The following RAD51B variants were observed in gnomAD, a reference collection of about 807,000 sequenced individuals.
RAD51B encodes the protein DNA repair protein RAD51 homolog 2.
In RAD51B, 38 loss-of-function variants were observed where a neutral mutation model predicts 42.2. The ratio of observed to expected loss-of-function variants is 0.90; its 90% CI spans 0.70 to 1.18. The LOEUF is 1.18. Among genes scored for constraint, RAD51B ranks in the 50% most tolerant of loss-of-function variants. The pLI is 0.00. For synonymous variants in RAD51B, 154 were observed against 145.2 expected (o/e 1.06, Z -0.43); for missense variants, 373 against 400.7 (o/e 0.93, Z 0.59).
intron 7 of RAD51B, among the ~76,000 whole-genome samples, chr14:68,071,112 G>C (rs1318550655): frequency 6.6e-6 from 1 of 151,986 alleles, no homozygotes; most frequent in East Asian, 1.9e-4. Flanking sequence ...AAATGACATT[G>C]ATTTTGTATG....
chr14:67,939,199 C>T (rs2045068756), intron 7 of RAD51B, among the ~76,000 whole-genome samples: 2 of 152,094 alleles, frequency 1.3e-5, no homozygotes, highest in Non-Finnish European at 1.5e-5. Context: ...AGGCTTTACT[C>T]TTCCCCGCCC....
chr14:68,313,193 A>C (rs150272776), intron 8 of RAD51B, among the ~76,000 whole-genome samples: 1 of 152,306 alleles, frequency 6.6e-6, no homozygotes, highest in Non-Finnish European at 1.5e-5. Context: ...ACTGCACTGC[A>C]TGTCTGTGGG....
intron 7 of RAD51B, among the ~76,000 whole-genome samples, chr14:68,130,498 T>A (rs1254830523): frequency 6.6e-6 from 1 of 152,246 alleles, no homozygotes; most frequent in African/African-American, 2.4e-5. Flanking sequence ...ATCTCTCTAT[T>A]GCTTTACAAC....
intron 10 of RAD51B, among the ~76,000 whole-genome samples, chr14:68,642,157 G>A (rs1892475244): frequency 6.6e-6 from 1 of 152,108 alleles, no homozygotes; most frequent in Non-Finnish European, 1.5e-5. Flanking sequence ...TCTATCTTCT[G>A]AAAGAGATTA....
intron 10 of RAD51B, among the ~76,000 whole-genome samples, chr14:68,570,128 G>A (rs532862926): frequency 2.7e-4 from 41 of 152,290 alleles, no homozygotes; most frequent in Non-Finnish European, 5.0e-4. Flanking sequence ...CTGTGCCAGC[G>A]AGAGAGGAGA....
chr14:68,570,699 C>G (rs1326509779), intron 10 of RAD51B, among the ~76,000 whole-genome samples: 1 of 152,224 alleles, frequency 6.6e-6, no homozygotes, highest in Non-Finnish European at 1.5e-5. Context: ...AAGCTTCCCC[C>G]TATGGGGGTT....
At chr14:68,212,116 G>A (rs952230880) in intron 7 of RAD51B, among the ~76,000 whole-genome samples, 1 of 152,204 alleles carries the variant, frequency 6.6e-6, no homozygotes, top group African/African-American at 2.4e-5. Context: ...TCAACTCTGG[G>A]ATACTGACAA....
chr14:68,202,728 G>A (rs2079514443), intron 7 of RAD51B, among the ~76,000 whole-genome samples: 1 of 151,758 alleles, frequency 6.6e-6, no homozygotes, highest in Non-Finnish European at 1.5e-5. Context: ...GATTACAGGT[G>A]TGTGCCTCCA....
intron 9 of RAD51B, among the ~76,000 whole-genome samples, chr14:68,428,705 CTTTATATATA>C (rs1566878348): frequency 9.7e-5 from 10 of 103,402 alleles, no homozygotes; most frequent in African/African-American, 4.3e-4. Context: ...GCAGGATTTT[CTTTATATATA>C]TATATATATA....
At chr14:68,637,389 T>C (rs943161633) in intron 10 of RAD51B, among the ~76,000 whole-genome samples, 2 of 152,174 alleles carry the variant, frequency 1.3e-5, no homozygotes, top group East Asian at 1.9e-4. Context: ...TTCGTAAACA[T>C]TTGCTGACTG....
chr14:68,421,155 C>T (rs2084689512), intron 9 of RAD51B, among the ~76,000 whole-genome samples: 1 of 152,170 alleles, frequency 6.6e-6, no homozygotes, highest in Non-Finnish European at 1.5e-5. Context: ...CATTATTTGA[C>T]TTTGAAATAC....
intron 7 of RAD51B, among the ~76,000 whole-genome samples, chr14:68,045,236 C>CAAAAAAAAAAA (rs537073885): frequency 4.1e-4 from 9 of 22,088 alleles, no homozygotes; most frequent in South Asian, 2.6e-3. Context: ...AACTCTGTCT[C>CAAAAAAAAAAA]AAAAAAAAAA....
chr14:67,830,844 C>T (rs1400157932), intron 3 of RAD51B, among the ~76,000 whole-genome samples: 1 of 151,312 alleles, frequency 6.6e-6, no homozygotes, highest in East Asian at 1.9e-4. Flanking sequence ...GGAAGAGGAG[C>T]AGGTTTGAGG....
At chr14:67,941,010 A>G (rs1174489217) in intron 7 of RAD51B, among the ~76,000 whole-genome samples, 2 of 152,178 alleles carry the variant, frequency 1.3e-5, no homozygotes, top group Non-Finnish European at 2.9e-5. Flanking sequence ...TTTAAGCCCT[A>G]AACTGTGCAC....
At chr14:68,335,124 A>T (rs2082424686) in intron 8 of RAD51B, among the ~76,000 whole-genome samples, 1 of 150,168 alleles carries the variant, frequency 6.7e-6, no homozygotes, top group Admixed American at 6.6e-5. Context: ...TAGTCAAACC[A>T]CATCTCTACT....
At chr14:68,291,300 G>T (rs1259790070) in intron 7 of RAD51B, among the ~76,000 whole-genome samples, 2 of 152,122 alleles carry the variant, frequency 1.3e-5, no homozygotes, top group Admixed American at 1.3e-4. Flanking sequence ...TCGGATTCAA[G>T]CGATTCTCCT....
rs543310674 is a variant in RAD51B, at chr14:68,273,928, C to A, written c.757-17956C>A. 7.2e-5 allele frequency among the ~76,000 whole-genome samples: 11 copies of A among 152,188 alleles called. No individual in the cohort carries two copies. In the South Asian group the frequency reaches 2.3e-3, roughly 32 times the overall value. ...CTACATATTATTTTTTATTTAAATTCTATTTTTCATCAGAGTAAAACATGT... is the reference window on the plus strand; with the variant it reads ...CTACATATTATTTTTTATTTAAATTATATTTTTCATCAGAGTAAAACATGT... On this transcript the variant is annotated intron_variant, in intron 7 of 10. Transcript: ENST00000471583.
intron 10 of RAD51B, among the ~76,000 whole-genome samples, chr14:68,503,643 C>A (rs1440178784): frequency 6.6e-6 from 1 of 152,244 alleles, no homozygotes; most frequent in Non-Finnish European, 1.5e-5. Flanking sequence ...CTCAGGCAGC[C>A]TGGCTCCAAA....
chr14:68,151,960 C>G (rs141188214), intron 7 of RAD51B, among the ~76,000 whole-genome samples: 2 of 149,034 alleles, frequency 1.3e-5, no homozygotes, highest in African/African-American at 4.9e-5. Flanking sequence ...TCTCCTGCCC[C>G]AGCCTCCTGA....
Sources: allele counts gnomAD v4.1 joint callset (sites outside exome capture counted in the v4.1 genomes callset), GRCh38; gene constraint gnomAD v4.1.1; transcripts MANE v1.5; gene names NCBI Gene and HGNC (gene_info 2026-07-23, HGNC 2026-07-21).